Variants in TCF7L1 observed in about 807,000 individuals in gnomAD.
TCF7L1 encodes transcription factor 7-like 1.
A neutral mutation model predicts 63.7 loss-of-function variants in TCF7L1; 18 were observed. The observed-to-expected ratio is 0.28, with a 90% confidence interval of 0.20 to 0.42. The LOEUF is 0.42. TCF7L1 is among the 10% of genes least tolerant of loss of function. TCF7L1 has a pLI of 1.00. For missense variants in TCF7L1, 654 were observed against 779.3 expected (o/e 0.84, Z 1.91); for synonymous variants, 355 against 340.9 (o/e 1.04, Z -0.46).
At chr2:85,149,354 C>T (rs1402979923) in intron 3 of TCF7L1, among the ~76,000 whole-genome samples, 1 of 147,808 alleles carries the variant, frequency 6.8e-6, no homozygotes, top group African/African-American at 2.6e-5. Context: ...TATACACACA[C>T]ACACTAACTT....
chr2:85,208,396 G>A (rs944069859), intron 3 of TCF7L1, among the ~76,000 whole-genome samples: 3 of 152,174 alleles, frequency 2.0e-5, no homozygotes, highest in African/African-American at 7.2e-5. Flanking sequence ...TATACAGCGT[G>A]TCAGGTGGGA....
chr2:85,307,446 G>A (rs73943091), intron 10 of TCF7L1, among the ~76,000 whole-genome samples, 196 bp from the exon 11 acceptor site: 20,058 of 152,048 alleles, frequency 0.13, 1,546 homozygotes, highest in African/African-American at 0.21. Flanking sequence ...GGGGAAACGC[G>A]TTTGTAGGGG....
intron 3 of TCF7L1, among the ~76,000 whole-genome samples, chr2:85,189,169 CT>C (rs1030699901): frequency 1.3e-5 from 2 of 152,160 alleles, no homozygotes; most frequent in African/African-American, 4.8e-5. Flanking sequence ...TGATTCTCCC[CT>C]TCCTGGTCCT....
At chr2:85,152,549 C>T (rs1180937162) in intron 3 of TCF7L1, among the ~76,000 whole-genome samples, 2 of 151,648 alleles carry the variant, frequency 1.3e-5, no homozygotes, top group Admixed American at 6.6e-5. Flanking sequence ...ATTCTCCTGC[C>T]TCAGCCTCCC....
chr2:85,255,370 C>G (rs755129932), intron 3 of TCF7L1, among the ~76,000 whole-genome samples: 26 of 152,310 alleles, frequency 1.7e-4, no homozygotes, highest in Admixed American at 2.6e-4. Flanking sequence ...TTCCCTCCCC[C>G]CTACATGCTG....
At position 85,307,662 on chromosome 2, in the gene TCF7L1, G is replaced by T; in HGVS notation, c.1278G>T (p.Lys426Asn). 1 of 1,613,810 alleles carries T rather than the reference G, an allele frequency of 6.2e-7. No homozygotes were observed. The highest frequency in any genetic ancestry group is 8.5e-7 in the Non-Finnish European group (1 of 1,179,976). ...RDNYGKKKKR[K>N]REKQLSQTQS... ...TCCAGGGTAAGAAAAAGAAGAGGAA[G>T]AGAGAAAAGCAGCTGTCCCAGACAC... is the stretch of plus-strand genomic sequence containing the variant. The change falls in exon 11 of 12, where the codon AAG (lysine) becomes AAT (asparagine). Residue 426 changes from lysine (K) to asparagine (N), a missense_variant. Physicochemically the swap from Lys to Asn is moderately conservative, Grantham distance 94 (BLOSUM62 0). This residue lies in a region of TCF7L1 where 184 missense variants were observed against 204.0 expected (regional missense o/e 0.90). Coordinates refer to ENST00000282111, the MANE Select transcript of TCF7L1 (RefSeq NM_031283.3).
intron 4 of TCF7L1, among the ~76,000 whole-genome samples, chr2:85,296,238 G>A (rs753660225): frequency 7.9e-5 from 12 of 152,078 alleles, no homozygotes; most frequent in African/African-American, 1.2e-4. Flanking sequence ...TAGTTCCCTC[G>A]AATCCAGCAG....
intron 3 of TCF7L1, among the ~76,000 whole-genome samples, chr2:85,183,021 A>T (rs1026661211): frequency 6.6e-6 from 1 of 152,280 alleles, no homozygotes; most frequent in South Asian, 2.1e-4. Flanking sequence ...CTTCTGCTTC[A>T]AGGGGTGAGA....
intron 3 of TCF7L1, among the ~76,000 whole-genome samples, chr2:85,261,073 C>T (rs1417721238): frequency 6.6e-6 from 1 of 150,988 alleles, no homozygotes; most frequent in Non-Finnish European, 1.5e-5. Flanking sequence ...GTAGAATTTG[C>T]ACATATACTC....
intron 4 of TCF7L1, among the ~76,000 whole-genome samples, chr2:85,288,372 G>A (rs534237562): frequency 2.6e-5 from 4 of 152,242 alleles, no homozygotes; most frequent in East Asian, 1.9e-4. Flanking sequence ...AACCAGAGGC[G>A]GAGTGGAAGG....
intron 4 of TCF7L1, among the ~76,000 whole-genome samples, chr2:85,287,242 A>G (rs1316357579): frequency 6.6e-6 from 1 of 152,204 alleles, no homozygotes; most frequent in African/African-American, 2.4e-5. Flanking sequence ...TGCTTCCTGT[A>G]AATCTTATCA....
chr2:85,220,219 C>T (rs891434776), intron 3 of TCF7L1, among the ~76,000 whole-genome samples: 3 of 151,734 alleles, frequency 2.0e-5, no homozygotes, highest in African/African-American at 2.4e-5. Context: ...AATGACAGAT[C>T]GGATACTTGA....
At chr2:85,152,198 A>G (rs1337413842) in intron 3 of TCF7L1, among the ~76,000 whole-genome samples, 1 of 152,162 alleles carries the variant, frequency 6.6e-6, no homozygotes, top group African/African-American at 2.4e-5. Context: ...TTCTTGTCCC[A>G]GGCCAGGAGC....
chr2:85,241,951 T>C (rs1038371354), intron 3 of TCF7L1, among the ~76,000 whole-genome samples: 1 of 151,466 alleles, frequency 6.6e-6, no homozygotes, highest in African/African-American at 2.4e-5. Context: ...ATAGTTTGCT[T>C]TTTGGTAAAT....
At position 85,249,414 on chromosome 2, in the gene TCF7L1, G is replaced by C. The variant is rs546516156; in HGVS notation, c.442-34081G>C. Among the ~76,000 whole-genome samples, 24 of 152,326 alleles carry C rather than the reference G, an allele frequency of 1.6e-4. 1 individual carries two copies. In the South Asian group the frequency reaches 2.5e-3, roughly 16 times the overall value. ...AGGCTGGGTTTTCCCTAGTTGTTCA[G>C]CTGTGAGAATCTGAGGATATGTTTG... On this transcript the variant is annotated intron_variant, in intron 3 of 11. Transcript: ENST00000282111.
Position 85,291,953 on chromosome 2 carries a change from G to C in TCF7L1, c.525+8375G>C, listed in dbSNP as rs1448119028. 1.0e-4 allele frequency among the ~76,000 whole-genome samples: 15 copies of C among 148,072 alleles called. 2 individuals carry two copies. The highest frequency in any genetic ancestry group is 8.4e-4 in the Admixed American group (12 of 14,348). ...CCTCCCAGGCTCAAGTGATCCTTCT[G>C]TCTCAGCCTCCCAAAGTGCTGAGTT... is the stretch of plus-strand genomic sequence containing the variant. On this transcript the variant is annotated intron_variant, in intron 4 of 11. Transcript: ENST00000282111.
chr2:85,189,990 G>A (rs564414230), intron 3 of TCF7L1, among the ~76,000 whole-genome samples: 1 of 152,338 alleles, frequency 6.6e-6, no homozygotes, highest in East Asian at 1.9e-4. Flanking sequence ...GCAGTGAGCT[G>A]GGAATGAGCA....
intron 3 of TCF7L1, among the ~76,000 whole-genome samples, chr2:85,228,466 C>T (rs962585005): frequency 1.4e-4 from 22 of 152,136 alleles, no homozygotes; most frequent in African/African-American, 5.1e-4. Flanking sequence ...AGAGGGACTG[C>T]GTTTCAAGTG....
rs1682122643 is a variant in TCF7L1 at position 85,306,806 on chromosome 2, A to G, written c.1257+247A>G. ...CAGCCTCCCGAGTAGCTGGGACTAC[A>G]GGCACCTGCCACCACACCCGGCTAA... On this transcript the variant is annotated intron_variant, in intron 10 of 11. Transcript: ENST00000282111. This position sits in a 1 kb window ranked among gnomAD's most constrained non-coding sequence, Gnocchi z 4.3. Among the ~76,000 whole-genome samples, 1 of 152,126 alleles carries G rather than the reference A, an allele frequency of 6.6e-6. No homozygotes were observed. Among genetic ancestry groups the G allele is most frequent in the Non-Finnish European group, 1.5e-5 (1 of 68,030 alleles).
Sources: allele counts gnomAD v4.1 joint callset (sites outside exome capture counted in the v4.1 genomes callset), GRCh38; gene constraint gnomAD v4.1.1; regional missense constraint gnomAD v4.1.1; non-coding constraint Gnocchi (gnomAD v3.1); transcripts MANE v1.5; gene names NCBI Gene and HGNC (gene_info 2026-07-23, HGNC 2026-07-21).